The following UVRAG variants were observed in gnomAD, a reference collection of about 807,000 sequenced individuals.
UVRAG encodes UV radiation resistance-associated gene protein.
In UVRAG, 19 loss-of-function variants were observed where a neutral mutation model predicts 78.0. The observed-to-expected ratio is 0.24, with a 90% confidence interval of 0.17 to 0.36. The LOEUF (loss-of-function observed/expected upper bound fraction) is 0.36. UVRAG is among the 10% of genes least tolerant of loss of function. The pLI, the probability that UVRAG is intolerant of heterozygous loss-of-function variation, is 1.00. For synonymous variants in UVRAG, 323 were observed against 324.6 expected (o/e 1.00, Z 0.05); for missense variants, 740 against 853.8 (o/e 0.87, Z 1.66).
intron 6 of UVRAG, among the ~76,000 whole-genome samples, chr11:75,940,638 G>A (rs770337537): frequency 6.6e-6 from 1 of 152,190 alleles, no homozygotes; most frequent in Non-Finnish European, 1.5e-5. Flanking sequence ...TAAATATGTA[G>A]GTTGTAAGGG....
intron 1 of UVRAG, among the ~76,000 whole-genome samples, chr11:75,829,130 G>C (rs560242695): frequency 6.6e-6 from 1 of 151,950 alleles, no homozygotes; most frequent in Non-Finnish European, 1.5e-5. Context: ...GAAGCATAGC[G>C]GCTATTCACA....
chr11:75,967,895 A>G (rs1008784829), intron 7 of UVRAG, among the ~76,000 whole-genome samples: 39 of 152,224 alleles, frequency 2.6e-4, no homozygotes, highest in Non-Finnish European at 8.8e-5. Flanking sequence ...GTTTTATCTT[A>G]CAAGACTCTG....
chr11:75,934,622 A>C (rs74835887), intron 6 of UVRAG, among the ~76,000 whole-genome samples: 1 of 152,114 alleles, frequency 6.6e-6, no homozygotes, highest in African/African-American at 2.4e-5. Context: ...GTCTGCAAAC[A>C]TATACACTTA....
At chr11:75,972,275 T>C (rs1022470854) in intron 7 of UVRAG, among the ~76,000 whole-genome samples, 2 of 152,194 alleles carry the variant, frequency 1.3e-5, no homozygotes, top group Admixed American at 6.5e-5. Context: ...TGGTGTTATG[T>C]CTAAAAAGTT....
At chr11:76,115,384 C>G (rs866791277) in intron 13 of UVRAG, among the ~76,000 whole-genome samples, 1 of 152,158 alleles carries the variant, frequency 6.6e-6, no homozygotes, top group Non-Finnish European at 1.5e-5. Context: ...AAGTGAGTTG[C>G]AATGTATTTG....
At chr11:75,884,349 C>G (rs1045511550) in intron 4 of UVRAG, among the ~76,000 whole-genome samples, 34 of 151,766 alleles carry the variant, frequency 2.2e-4, no homozygotes, top group Non-Finnish European at 3.2e-4. Flanking sequence ...ATAAATCAGT[C>G]CTTTATAAGA....
chr11:75,935,632 TTGAG>T (rs902328524), intron 6 of UVRAG, among the ~76,000 whole-genome samples: 1 of 152,194 alleles, frequency 6.6e-6, no homozygotes, highest in African/African-American at 2.4e-5. Context: ...CCTTTATTTC[TTGAG>T]TATTTTATGT....
intron 4 of UVRAG, among the ~76,000 whole-genome samples, 186 bp downstream of exon 4, chr11:75,880,226 T>C (rs1186202535): frequency 1.3e-5 from 2 of 152,236 alleles, no homozygotes; most frequent in Non-Finnish European, 2.9e-5. Context: ...ATTACTTACA[T>C]TGTTATGTTT....
In UVRAG at chr11:76,141,345, C is replaced by T. The variant is rs199523374; in HGVS notation, c.2032C>T (p.Arg678Ter). The T allele has an allele frequency of 6.8e-6, 11 of 1,614,130 alleles. No homozygotes were observed. The Admixed American group carries it at 8.3e-5, about 12-fold the overall frequency. ...QVLGEFEEFS[R>*]RIYALNENVS... ...TCTGGGAGAATTTGAAGAGTTCTCCCGAAGGATCTATGCACTGAATGAAAA... is the reference window on the plus strand; with the variant it reads ...TCTGGGAGAATTTGAAGAGTTCTCCTGAAGGATCTATGCACTGAATGAAAA... The change falls in exon 15 of 15, where the codon CGA (arginine) becomes TGA (stop). Residue 678 changes from arginine to a stop codon, truncating the protein, a stop_gained. Coordinates refer to ENST00000356136, the MANE Select transcript of UVRAG (RefSeq NM_003369.4). LOFTEE classifies it high-confidence loss of function.
chr11:75,815,615 A>T (rs1945245516), intron 1 of UVRAG, 91 bp downstream of exon 1: 2 of 828,612 alleles, frequency 2.4e-6, no homozygotes, highest in Non-Finnish European at 3.2e-6. Flanking sequence ...GCGAGCCGGG[A>T]CACCCAGAGC....
chr11:75,877,871 C>T (rs1946836929), intron 3 of UVRAG, among the ~76,000 whole-genome samples: 1 of 145,306 alleles, frequency 6.9e-6, no homozygotes, highest in Admixed American at 6.7e-5. Context: ...GGCTGACCCC[C>T]CCACCTCCCT....
chr11:75,912,142 A>T (rs1591009183), intron 6 of UVRAG, 103 bp downstream of exon 6: 2 of 821,778 alleles, frequency 2.4e-6, no homozygotes, highest in Admixed American at 4.4e-5. Context: ...AGAGGCTGTT[A>T]TTCAAGCTTA....
At chr11:76,078,752 CA>C (rs61700855) in intron 13 of UVRAG, among the ~76,000 whole-genome samples, 2,055 of 37,178 alleles carry the variant, frequency 0.055, 27 homozygotes, top group African/African-American at 0.092. Flanking sequence ...ACTAAAAATA[CA>C]AAAAAAAAAA....
intron 12 of UVRAG, among the ~76,000 whole-genome samples, chr11:76,030,517 A>G (rs192392316): frequency 5.3e-5 from 8 of 152,290 alleles, no homozygotes; most frequent in African/African-American, 1.9e-4. Flanking sequence ...AATGCAGAGC[A>G]TTTTCAAACT....
chr11:76,029,998 C>G (rs1274114300), intron 12 of UVRAG, among the ~76,000 whole-genome samples: 1 of 152,194 alleles, frequency 6.6e-6, no homozygotes, highest in African/African-American at 2.4e-5. Context: ...CTCAGATGAT[C>G]ATTAGCATTT....
At chr11:75,878,109 C>T (rs1388853965) in intron 3 of UVRAG, among the ~76,000 whole-genome samples, 2 of 141,782 alleles carry the variant, frequency 1.4e-5, no homozygotes, top group Non-Finnish European at 3.0e-5. Context: ...TCAGATGGGG[C>T]GGTTGCCGGG....
intron 6 of UVRAG, among the ~76,000 whole-genome samples, chr11:75,956,701 C>T (rs1948806701): frequency 6.6e-6 from 1 of 152,098 alleles, no homozygotes; most frequent in Non-Finnish European, 1.5e-5. Flanking sequence ...TATATTTTTG[C>T]CAGCAATGCA....
intron 4 of UVRAG, among the ~76,000 whole-genome samples, chr11:75,887,521 C>T (rs547416568): frequency 1.3e-5 from 2 of 149,262 alleles, no homozygotes; most frequent in South Asian, 4.2e-4. Flanking sequence ...AATCTCGGCT[C>T]TCTGCAAGCT....
chr11:75,821,542 C>T (rs558992667), intron 1 of UVRAG, among the ~76,000 whole-genome samples: 2 of 152,280 alleles, frequency 1.3e-5, no homozygotes, highest in African/African-American at 4.8e-5. Flanking sequence ...AAATGAGTCT[C>T]ACTCTGGTCT....
Sources: allele counts gnomAD v4.1 joint callset (sites outside exome capture counted in the v4.1 genomes callset), GRCh38; gene constraint gnomAD v4.1.1; transcripts MANE v1.5; gene names NCBI Gene and HGNC (gene_info 2026-07-23, HGNC 2026-07-21).